Variants in ARHGEF4 observed in about 807,000 individuals in gnomAD.
ARHGEF4 encodes APC-stimulated guanine nucleotide exchange factor 1.
In ARHGEF4, 119 loss-of-function variants were observed where a neutral mutation model predicts 162.0. The observed-to-expected ratio is 0.73, with a 90% CI of 0.63 to 0.86. The LOEUF (loss-of-function observed/expected upper bound fraction) is 0.86, where lower values mean the gene tolerates loss of function less well. Ranked by LOEUF, ARHGEF4 falls within the 40% of genes least tolerant of loss-of-function variation. The pLI is 0.00. For synonymous variants in ARHGEF4, 1,014 were observed against 979.9 expected, an observed-to-expected ratio of 1.03 and a Z score of -0.65; for missense variants, 2,488 against 2,456.0, an observed-to-expected ratio of 1.01 and a Z score of -0.28.
chr2:130,943,771 T>C (rs571583052), intron 3 of ARHGEF4, among the ~76,000 whole-genome samples: 1 of 152,342 alleles, frequency 6.6e-6, no homozygotes, highest in East Asian at 1.9e-4. Context: ...TCTGCATACA[T>C]TGAAAACTGC....
intron 5 of ARHGEF4, among the ~76,000 whole-genome samples, chr2:131,037,160 G>A (rs879419846): frequency 5.8e-4 from 88 of 152,330 alleles, no homozygotes; most frequent in Non-Finnish European, 1.6e-4. Flanking sequence ...TGGCTGCCGC[G>A]CTGTGAGGGT....
intron 4 of ARHGEF4, among the ~76,000 whole-genome samples, chr2:130,995,623 A>C (rs1169105258): frequency 1.3e-5 from 2 of 152,180 alleles, no homozygotes; most frequent in Admixed American, 6.5e-5. Context: ...TGATGATATT[A>C]TCTTTCTCCA....
At chr2:130,928,703 A>T (rs1309300213) in intron 2 of ARHGEF4, among the ~76,000 whole-genome samples, 2 of 152,062 alleles carry the variant, frequency 1.3e-5, no homozygotes, top group Admixed American at 1.3e-4. Context: ...CCCCTCCTAC[A>T]TCTACTTTAC....
chr2:130,894,807 T>C, intron 1 of ARHGEF4, among the ~76,000 whole-genome samples: 1 of 152,122 alleles, frequency 6.6e-6, no homozygotes, highest in Non-Finnish European at 1.5e-5. Flanking sequence ...CCCCATCCTC[T>C]AGGCAGTCTA....
Position 130,898,401 on chromosome 2 carries a change from A to G in ARHGEF4, c.40-15585A>G, listed in dbSNP as rs189777909. Among the ~76,000 whole-genome samples the G allele has an allele frequency of 1.6e-4, 24 of 152,324 alleles. No homozygotes were observed. In the East Asian group the frequency reaches 2.1e-3, roughly 13 times the overall value. On this transcript the variant is annotated intron_variant, in intron 1 of 13. Transcript: ENST00000409359. ...CGCTTCTCCAGGTCAGTGTGCCCCT[A>G]TGGAGATGCGATTGGACGCTGCATC...
intron 1 of ARHGEF4, among the ~76,000 whole-genome samples, chr2:130,874,249 A>C (rs1407581679): frequency 6.6e-6 from 1 of 152,200 alleles, no homozygotes; most frequent in Non-Finnish European, 1.5e-5. Flanking sequence ...GACAAACTAC[A>C]AGGCGGCTGT....
intron 4 of ARHGEF4, chr2:131,011,780 A>T: frequency 1.1e-6 from 1 of 889,786 alleles, no homozygotes; most frequent in Non-Finnish European, 1.8e-6. Flanking sequence ...CAGAGGAATG[A>T]TGTGATTTAT....
chr2:130,983,409 CTTTATAGT>C (rs1363875712), intron 4 of ARHGEF4, among the ~76,000 whole-genome samples: 6 of 152,126 alleles, frequency 3.9e-5, no homozygotes. Flanking sequence ...TTTTGGCCAG[CTTTATAGT>C]TTTATAACCT....
In ARHGEF4 at chr2:130,999,296, A is replaced by G. The variant is rs911317579; in HGVS notation, c.3986-28649A>G. 4.0e-5 allele frequency among the ~76,000 whole-genome samples: 6 copies of G among 151,638 alleles called. No individual in the cohort carries two copies. In the East Asian group the frequency reaches 9.7e-4, roughly 25 times the overall value. Reference sequence around the variant, plus strand: ...CAGCCTTCCAACTAGCTGGGACTACAGGCGCCCGCCACCACGCCTGGCTAA... The same window carrying G: ...CAGCCTTCCAACTAGCTGGGACTACGGGCGCCCGCCACCACGCCTGGCTAA... On this transcript the variant is annotated intron_variant, in intron 4 of 13. Transcript: ENST00000409359.
intron 1 of ARHGEF4, among the ~76,000 whole-genome samples, chr2:130,843,780 G>C (rs55861569): frequency 0.014 from 2,197 of 152,356 alleles, 43 homozygotes; most frequent in African/African-American, 0.049. Context: ...CAGGGCCAGG[G>C]TTTGGAGCAC....
intron 1 of ARHGEF4, among the ~76,000 whole-genome samples, chr2:130,861,006 TAC>T (rs1681986689): frequency 1.0e-5 from 1 of 99,148 alleles, no homozygotes; most frequent in African/African-American, 5.1e-5. Context: ...GAAAAGAACT[TAC>T]ATAGTAAAAA....
At chr2:131,028,408 G>A (rs759721541) in intron 5 of ARHGEF4, among the ~76,000 whole-genome samples, 21 of 152,196 alleles carry the variant, frequency 1.4e-4, no homozygotes, top group Admixed American at 6.5e-5. Context: ...TTAGTAGAAG[G>A]GAGGCTAGGG....
intron 4 of ARHGEF4, among the ~76,000 whole-genome samples, chr2:130,965,921 T>A (rs764777358): frequency 5.9e-5 from 9 of 152,070 alleles, no homozygotes; most frequent in Non-Finnish European, 1.2e-4. Flanking sequence ...AGCTGAGGCC[T>A]AGGAAGTTGC....
chr2:131,019,633 TTTTTGTTTTTG>T lies in ARHGEF4; in HGVS notation c.3986-8307_3986-8297del, dbSNP rs1688970602. Among the ~76,000 whole-genome samples the T allele has an allele frequency of 1.3e-4, 5 of 37,830 alleles. No individual in the cohort carries two copies. In the Admixed American group the frequency reaches 2.1e-3, roughly 16 times the overall value. 24.8% of individuals were successfully genotyped at this position (37,830 alleles called of 152,430 possible). A position where few individuals can be genotyped will look rare whatever the true frequency, so the allele number is the denominator to read the frequency against. Reference sequence around the variant, plus strand: ...TAAGTATTTTATTCTTTGGTTTTTGTTTTTGTTTTTGTTTTTTTGAGATGGAGTCTCGCTCT... The same window carrying T: ...TAAGTATTTTATTCTTTGGTTTTTGTTTTTTTTGAGATGGAGTCTCGCTCT... On this transcript the variant is annotated intron_variant, in intron 4 of 13. Coordinates refer to ENST00000409359, the MANE Select transcript of ARHGEF4 (RefSeq NM_001367493.1).
rs538541305 is a variant in ARHGEF4, at chr2:130,838,373, G to T, written c.39+1381G>T. ...TCTCAGCACTTTGGGAGGCCGAGTG[G>T]GGGGGGCGGATCGCCTGAGGTCACG... On this transcript the variant is annotated intron_variant, in intron 1 of 13. Transcript: ENST00000409359. Among the ~76,000 whole-genome samples, 8 of 150,236 alleles carry T rather than the reference G, an allele frequency of 5.3e-5. No homozygotes were observed. In the South Asian group the frequency reaches 8.3e-4, roughly 16 times the overall value.
chr2:130,963,058 C>T (rs1449675310), intron 4 of ARHGEF4, among the ~76,000 whole-genome samples: 1 of 152,180 alleles, frequency 6.6e-6, no homozygotes, highest in African/African-American at 2.4e-5. Context: ...CTTATCCACC[C>T]CCTACCTCGC....
chr2:131,035,723 C>T, intron 5 of ARHGEF4: 1 of 985,522 alleles, frequency 1.0e-6, no homozygotes, highest in South Asian at 4.7e-5. Flanking sequence ...TACGTGGTGT[C>T]AGTCTTCCCA....
intron 4 of ARHGEF4, among the ~76,000 whole-genome samples, chr2:130,978,272 G>A (rs1012488819): frequency 2.6e-5 from 4 of 152,142 alleles, no homozygotes; most frequent in Admixed American, 1.3e-4. Context: ...GAGGGGTGTC[G>A]TGGGCAGCTC....
intron 4 of ARHGEF4, among the ~76,000 whole-genome samples, chr2:131,002,493 G>A (rs987631321): frequency 9.2e-5 from 14 of 152,062 alleles, no homozygotes; most frequent in Admixed American, 7.2e-4. Flanking sequence ...GGCGGATCAC[G>A]AGGTCAGGAG....
Sources: gnomAD v4.1 joint callset for allele counts (sites outside exome capture counted in the v4.1 genomes callset) on GRCh38, gnomAD v4.1.1 for gene constraint, MANE v1.5 for transcripts, NCBI Gene and HGNC (gene_info 2026-07-23, HGNC 2026-07-21) for gene names.